Variants in TSPAN5 observed in about 807,000 individuals in gnomAD.
TSPAN5 encodes tetraspanin-5.
A neutral mutation model predicts 37.1 loss-of-function variants in TSPAN5; 10 were observed. The ratio of observed to expected loss-of-function variants is 0.27; its 90% confidence interval spans 0.17 to 0.46. The LOEUF (loss-of-function observed/expected upper bound fraction) is 0.46. TSPAN5 is among the 20% of genes least tolerant of loss of function. TSPAN5 has a pLI of 1.00. For missense variants in TSPAN5, 195 were observed against 326.6 expected (o/e 0.60, Z 3.11); for synonymous variants, 110 against 118.9 (o/e 0.93, Z 0.48).
At chr4:98,632,657 C>G (rs1756773689) in intron 1 of TSPAN5, among the ~76,000 whole-genome samples, 1 of 152,142 alleles carries the variant, frequency 6.6e-6, no homozygotes, top group Non-Finnish European at 1.5e-5. Flanking sequence ...CTGCCTAGCG[C>G]AAGATACAGA....
chr4:98,648,671 T>C (rs1208913212), intron 1 of TSPAN5, among the ~76,000 whole-genome samples: 3 of 152,218 alleles, frequency 2.0e-5, no homozygotes, highest in Admixed American at 1.3e-4. Context: ...ACCTTTTTTT[T>C]CTCGTAAGCA....
intron 1 of TSPAN5, among the ~76,000 whole-genome samples, chr4:98,579,146 A>G (rs1755312417): frequency 6.6e-6 from 1 of 152,184 alleles, no homozygotes; most frequent in Non-Finnish European, 1.5e-5. Context: ...GAAAGGGCAT[A>G]GTCAACTGCA....
intron 1 of TSPAN5, among the ~76,000 whole-genome samples, chr4:98,516,954 C>T (rs560913405): frequency 1.7e-4 from 26 of 152,292 alleles, no homozygotes; most frequent in Middle Eastern, 3.4e-3. Flanking sequence ...CCTTGAACTT[C>T]CCAGCCTGCA....
At chr4:98,620,112 T>C (rs1361150609) in intron 1 of TSPAN5, among the ~76,000 whole-genome samples, 2 of 152,126 alleles carry the variant, frequency 1.3e-5, no homozygotes, top group East Asian at 1.9e-4. Flanking sequence ...CCCTCACTCA[T>C]GAATATGGGC....
At chr4:98,497,871 C>T (rs148745876) in intron 2 of TSPAN5, among the ~76,000 whole-genome samples, 51 of 152,184 alleles carry the variant, frequency 3.4e-4, no homozygotes, top group African/African-American at 1.2e-3. Flanking sequence ...GCAGACAAAG[C>T]GACAGGATCT....
At chr4:98,520,204 C>G (rs1753823802) in intron 1 of TSPAN5, among the ~76,000 whole-genome samples, 1 of 152,072 alleles carries the variant, frequency 6.6e-6, no homozygotes, top group Non-Finnish European at 1.5e-5. Flanking sequence ...GAGGTGCCAC[C>G]AAAGCCCATA....
chr4:98,615,229 CAA>C (rs1756295515), intron 1 of TSPAN5, among the ~76,000 whole-genome samples: 1 of 152,308 alleles, frequency 6.6e-6, no homozygotes, highest in East Asian at 1.9e-4. Context: ...GCCTTGGGAC[CAA>C]GAGAGCCTAA....
At chr4:98,541,474 A>G (rs1336326919) in intron 1 of TSPAN5, among the ~76,000 whole-genome samples, 3 of 151,996 alleles carry the variant, frequency 2.0e-5, no homozygotes, top group Non-Finnish European at 4.4e-5. Flanking sequence ...CAGGAGATCG[A>G]GACTAGCCTG....
intron 1 of TSPAN5, among the ~76,000 whole-genome samples, chr4:98,564,182 A>G (rs1754944909): frequency 1.3e-5 from 2 of 152,198 alleles, no homozygotes; most frequent in African/African-American, 2.4e-5. Flanking sequence ...TCCAAATTAC[A>G]TGAAAGCCAA....
At chr4:98,508,670 G>T (rs571723926) in intron 1 of TSPAN5, among the ~76,000 whole-genome samples, 3 of 151,794 alleles carry the variant, frequency 2.0e-5, no homozygotes, top group African/African-American at 7.3e-5. Context: ...GACCATAGGC[G>T]CATGCCACCA....
intron 1 of TSPAN5, among the ~76,000 whole-genome samples, chr4:98,542,813 T>G (rs1261075720): frequency 1.3e-5 from 2 of 151,460 alleles, no homozygotes; most frequent in South Asian, 2.1e-4. Context: ...TGCATAACAC[T>G]GGAAAAATTC....
At chr4:98,509,749 G>A (rs1346451431) in intron 1 of TSPAN5, 2 of 152,156 alleles carry the variant, frequency 1.3e-5, no homozygotes, top group Admixed American at 1.3e-4. Flanking sequence ...AGGTACTTAG[G>A]ACTCTGTAGC....
At chr4:98,482,238 A>G (rs1752855863) in intron 3 of TSPAN5, 63 bp from the exon 4 acceptor site, 2 of 1,470,430 alleles carry the variant, frequency 1.4e-6, no homozygotes, top group African/African-American at 2.8e-5. Flanking sequence ...TATATAGCTA[A>G]ATGGTTCCTC....
At chr4:98,608,225 T>G (rs922265776) in intron 1 of TSPAN5, among the ~76,000 whole-genome samples, 1 of 152,162 alleles carries the variant, frequency 6.6e-6, no homozygotes, top group Non-Finnish European at 1.5e-5. Context: ...ATAAAGATAC[T>G]TATGATAGGA....
At chr4:98,631,134 T>C (rs1289641690) in intron 1 of TSPAN5, among the ~76,000 whole-genome samples, 2 of 152,200 alleles carry the variant, frequency 1.3e-5, no homozygotes, top group Non-Finnish European at 2.9e-5. Flanking sequence ...TTGTAGATAT[T>C]TAACAATTAG....
intron 1 of TSPAN5, among the ~76,000 whole-genome samples, chr4:98,631,428 T>C (rs1320983037): frequency 2.6e-5 from 4 of 152,158 alleles, no homozygotes; most frequent in African/African-American, 4.8e-5. Flanking sequence ...GGTGCACCTG[T>C]ACCTGTGAAA....
At chr4:98,581,631 G>GT (rs1420621792) in intron 1 of TSPAN5, among the ~76,000 whole-genome samples, 1 of 152,098 alleles carries the variant, frequency 6.6e-6, no homozygotes, top group Non-Finnish European at 1.5e-5. Flanking sequence ...TTTATTGATT[G>GT]TATTAACAAC....
At chr4:98,556,122 G>A (rs185183299) in intron 1 of TSPAN5, among the ~76,000 whole-genome samples, 6 of 143,734 alleles carry the variant, frequency 4.2e-5, no homozygotes, top group South Asian at 2.2e-4. Flanking sequence ...CCAAACCACT[G>A]GGACTTCACA....
At chr4:98,512,178 A>C (rs1578957707) in intron 1 of TSPAN5, among the ~76,000 whole-genome samples, 1 of 152,160 alleles carries the variant, frequency 6.6e-6, no homozygotes. Flanking sequence ...GCGCCACTGC[A>C]CTACAGCCTG....
Sources: gnomAD v4.1 joint callset for allele counts (sites outside exome capture counted in the v4.1 genomes callset) on GRCh38, gnomAD v4.1.1 for gene constraint, MANE v1.5 for transcripts, NCBI Gene and HGNC (gene_info 2026-07-23, HGNC 2026-07-21) for gene names.